Variants in DPP6 observed in about 807,000 individuals in gnomAD.
DPP6 encodes A-type potassium channel modulatory protein DPP6.
DPP6 carries 69 observed loss-of-function variants against 122.6 expected under a neutral mutation model. The ratio of observed to expected loss-of-function variants is 0.56; its 90% CI spans 0.46 to 0.69. The LOEUF is 0.69. Ranked by LOEUF, DPP6 falls within the 30% of genes least tolerant of loss-of-function variation. DPP6 has a pLI of 0.00. For synonymous variants in DPP6, 418 were observed against 433.1 expected (o/e 0.97, Z 0.43); for missense variants, 928 against 1,116.9 (o/e 0.83, Z 2.41).
chr7:153,820,577 T>C, the DPP6 span, among the ~76,000 whole-genome samples: 1 of 152,032 alleles, frequency 6.6e-6, no homozygotes, highest in Non-Finnish European at 1.5e-5. Flanking sequence ...TCCCCGGATG[T>C]TTTGAAGGCC....
intron 1 of DPP6, among the ~76,000 whole-genome samples, chr7:154,400,685 C>T (rs376557503): frequency 6.6e-6 from 1 of 152,302 alleles, no homozygotes; most frequent in East Asian, 1.9e-4. Flanking sequence ...CATACACATA[C>T]AAAATACACC....
chr7:153,913,909 G>A (rs563896670), intron 1 of DPP6, among the ~76,000 whole-genome samples: 52 of 152,226 alleles, frequency 3.4e-4, no homozygotes, highest in African/African-American at 1.1e-3. Context: ...GTAGAAATAC[G>A]GACTTTCTTA....
intron 1 of DPP6, among the ~76,000 whole-genome samples, chr7:154,198,200 T>C (rs1395498189): frequency 6.6e-6 from 1 of 152,192 alleles, no homozygotes; most frequent in Non-Finnish European, 1.5e-5. Flanking sequence ...TCCAGGTACA[T>C]AGACAGGGTT....
chr7:154,055,059 C>T (rs1452870944), intron 1 of DPP6, among the ~76,000 whole-genome samples: 1 of 148,394 alleles, frequency 6.7e-6, no homozygotes, highest in Non-Finnish European at 1.5e-5. Flanking sequence ...TTCTAAACAG[C>T]ATCTCTAACT....
chr7:153,953,272 G>T (rs1209721112), intron 1 of DPP6, among the ~76,000 whole-genome samples: 1 of 152,004 alleles, frequency 6.6e-6, no homozygotes, highest in African/African-American at 2.4e-5. Context: ...TTAAATAAGG[G>T]TTGGTATTAT....
chr7:154,580,949 C>G (rs936237476), intron 5 of DPP6, among the ~76,000 whole-genome samples: 1 of 152,306 alleles, frequency 6.6e-6, no homozygotes, highest in Middle Eastern at 3.4e-3. Context: ...CAGAAGCCTT[C>G]CCAGTGCCTA....
At chr7:153,820,480 C>T in the DPP6 span, among the ~76,000 whole-genome samples, 1 of 152,196 alleles carries the variant, frequency 6.6e-6, no homozygotes, top group Non-Finnish European at 1.5e-5. Context: ...GGTCCCTCCA[C>T]CTTGAACATC....
intron 2 of DPP6, among the ~76,000 whole-genome samples, chr7:154,446,856 A>G (rs1486806179): frequency 6.6e-6 from 1 of 152,222 alleles, no homozygotes; most frequent in Non-Finnish European, 1.5e-5. Flanking sequence ...TAAGCCAAAG[A>G]GAAGTGCTAT....
At chr7:154,644,793 C>T (rs886259247) in intron 6 of DPP6, among the ~76,000 whole-genome samples, 9 of 151,610 alleles carry the variant, frequency 5.9e-5, no homozygotes, top group South Asian at 4.2e-4. Flanking sequence ...ACTTCACCCT[C>T]CACCTCCCAG....
intron 1 of DPP6, among the ~76,000 whole-genome samples, chr7:153,944,470 G>T (rs565378745): frequency 6.6e-6 from 1 of 152,054 alleles, no homozygotes; most frequent in Non-Finnish European, 1.5e-5. Context: ...TGGGGACTGC[G>T]GTGGTGACTT....
intron 3 of DPP6, among the ~76,000 whole-genome samples, chr7:154,493,198 T>G (rs915286790): frequency 6.6e-6 from 1 of 152,182 alleles, no homozygotes; most frequent in Non-Finnish European, 1.5e-5. Flanking sequence ...CTCCTTGAAG[T>G]TTATGCTTCA....
At chr7:154,480,487 C>T (rs1471421893) in intron 3 of DPP6, among the ~76,000 whole-genome samples, 1 of 152,176 alleles carries the variant, frequency 6.6e-6, no homozygotes, top group Non-Finnish European at 1.5e-5. Context: ...CCTCCTCTGC[C>T]CTGGATACAC....
chr7:154,273,998 A>G lies in DPP6; in HGVS notation c.244-172216A>G, dbSNP rs1379040269. 3.3e-5 allele frequency among the ~76,000 whole-genome samples: 5 copies of G among 152,352 alleles called. No homozygotes were observed. The East Asian group carries it at 7.7e-4, about 24-fold the overall frequency. On this transcript the variant is annotated intron_variant, in intron 1 of 25. Transcript: ENST00000377770. ...ACCTGCCACACCTTTTCATAAAGCCAGGAAGCCAGACAACAGTGTCTTGTT... is the reference window on the plus strand; with the variant it reads ...ACCTGCCACACCTTTTCATAAAGCCGGGAAGCCAGACAACAGTGTCTTGTT...
chr7:154,199,029 T>TG (rs1270129971), intron 1 of DPP6, among the ~76,000 whole-genome samples: 411 of 151,630 alleles, frequency 2.7e-3, no homozygotes, highest in Non-Finnish European at 4.5e-3. Flanking sequence ...TTTTTTTTTT[T>TG]TGGTGGATTT....
At chr7:153,844,058 G>A in the DPP6 span, among the ~76,000 whole-genome samples, 10,622 of 152,164 alleles carry the variant, frequency 0.07, 586 homozygotes, top group South Asian at 0.24. Flanking sequence ...CTGCTTTTCT[G>A]GGATAGGAAT....
intron 1 of DPP6, among the ~76,000 whole-genome samples, chr7:153,965,384 G>A (rs1034372141): frequency 7.2e-5 from 11 of 152,116 alleles, no homozygotes; most frequent in Middle Eastern, 3.4e-3. Context: ...CTTAGGCAGC[G>A]CTCCTCATGG....
intron 13 of DPP6, among the ~76,000 whole-genome samples, chr7:154,801,889 G>C (rs1484856486): frequency 6.6e-6 from 1 of 152,106 alleles, no homozygotes; most frequent in Non-Finnish European, 1.5e-5. Flanking sequence ...CCCGGAGTTG[G>C]ATGCAGGTAT....
chr7:154,804,997 C>A, intron 15 of DPP6, 33 bp downstream of exon 15: 1 of 1,579,386 alleles, frequency 6.3e-7, no homozygotes, highest in Non-Finnish European at 8.6e-7. Flanking sequence ...ACAGGGCTCT[C>A]CCCCTTAGGA....
intron 7 of DPP6, among the ~76,000 whole-genome samples, chr7:154,692,161 A>G (rs1453456024): frequency 6.6e-6 from 1 of 152,210 alleles, no homozygotes; most frequent in Non-Finnish European, 1.5e-5. Flanking sequence ...GGAGAAATCT[A>G]TTATTATCTT....
Sources: allele counts gnomAD v4.1 joint callset (sites outside exome capture counted in the v4.1 genomes callset), GRCh38; gene constraint gnomAD v4.1.1; transcripts MANE v1.5; gene names NCBI Gene and HGNC (gene_info 2026-07-23, HGNC 2026-07-21).